Variants in TANC2 observed in about 807,000 individuals in gnomAD.
TANC2 encodes the protein protein TANC2.
Under a neutral mutation model 210.5 loss-of-function variants are expected in TANC2, and 26 were observed. The observed-to-expected ratio is 0.12, with a 90% confidence interval of 0.09 to 0.17. The LOEUF is 0.17. TANC2 is among the 10% of genes least tolerant of loss of function. TANC2 has a pLI of 1.00. For missense variants in TANC2, 2,129 were observed against 2,608.9 expected (o/e 0.82, Z 4.01); for synonymous variants, 931 against 967.1 (o/e 0.96, Z 0.69).
intron 14 of TANC2, among the ~76,000 whole-genome samples, chr17:63,372,840 A>G (rs924127333): frequency 4.0e-5 from 6 of 148,986 alleles, no homozygotes; most frequent in Non-Finnish European, 7.4e-5. Flanking sequence ...TCCCTACCCC[A>G]TGGCCTTTAT....
intron 1 of TANC2, among the ~76,000 whole-genome samples, chr17:62,993,311 C>T (rs1028596024): frequency 1.3e-5 from 2 of 152,066 alleles, no homozygotes; most frequent in Non-Finnish European, 2.9e-5. Flanking sequence ...ATTCTGGGTC[C>T]CTTGCCGTTT....
At chr17:63,136,141 A>G (rs970409299) in intron 4 of TANC2, among the ~76,000 whole-genome samples, 2 of 152,198 alleles carry the variant, frequency 1.3e-5, no homozygotes, top group African/African-American at 4.8e-5. Context: ...TTTAAATCTC[A>G]GTTTCTTCTT....
chr17:62,983,395 A>C (rs1342943101), intron 1 of TANC2, among the ~76,000 whole-genome samples: 2 of 151,996 alleles, frequency 1.3e-5, no homozygotes, highest in African/African-American at 4.8e-5. Flanking sequence ...TTTTGCATAT[A>C]AGATCATGTC....
intron 1 of TANC2, among the ~76,000 whole-genome samples, chr17:62,973,218 G>A (rs2031810357): frequency 6.6e-6 from 1 of 152,116 alleles, no homozygotes; most frequent in Non-Finnish European, 1.5e-5. Context: ...TTTTAGCAGA[G>A]ATGGGGTTTT....
chr17:63,017,411 A>G (rs1024364046), intron 2 of TANC2, among the ~76,000 whole-genome samples: 2 of 152,304 alleles, frequency 1.3e-5, no homozygotes, highest in South Asian at 4.1e-4. Flanking sequence ...TGATTTTTTT[A>G]AAGAACTATT....
At position 63,421,566 on chromosome 17, in the gene TANC2, C is replaced by T; in HGVS notation, c.5836C>T (p.His1946Tyr). The change falls in exon 28 of 28, where the codon CAC becomes TAC. Residue 1946 changes from histidine (H) to tyrosine (Y), a missense_variant. Around this residue, in one of 5 missense-constraint regions of TANC2, gnomAD observed 161 missense variants for 178.6 expected, o/e 0.90. Transcript: ENST00000689528. This position sits in a 1 kb window ranked among gnomAD's most constrained non-coding sequence, Gnocchi z 6.9. ...ACGGACTCAGCAGTACCCCCACCTC[C>T]ACCAGCAGAATCGGACCTGGGCAGT... The T allele has an allele frequency of 6.2e-7, 1 of 1,614,006 alleles. No individual in the cohort carries two copies. The highest frequency in any genetic ancestry group is 8.5e-7 in the Non-Finnish European group (1 of 1,179,884).
chr17:63,062,543 C>T (rs77781272), intron 2 of TANC2, among the ~76,000 whole-genome samples: 4,269 of 152,126 alleles, frequency 0.028, 82 homozygotes, highest in Non-Finnish European at 0.042. Flanking sequence ...GGGCAAACAC[C>T]TTTCATTGTC....
intron 9 of TANC2, among the ~76,000 whole-genome samples, chr17:63,269,343 A>G (rs1300432796): frequency 6.6e-6 from 1 of 152,132 alleles, no homozygotes; most frequent in African/African-American, 2.4e-5. Flanking sequence ...TATATCAAGC[A>G]CTATTTTAGA....
chr17:63,201,193 TA>T (rs539060362), intron 7 of TANC2, among the ~76,000 whole-genome samples: 14 of 149,272 alleles, frequency 9.4e-5, no homozygotes, highest in African/African-American at 1.2e-4. Flanking sequence ...GGAGTGGATT[TA>T]AAAAAAAAAC....
At chr17:63,178,041 A>G (rs1037300034) in intron 5 of TANC2, among the ~76,000 whole-genome samples, 3 of 152,190 alleles carry the variant, frequency 2.0e-5, no homozygotes, top group Admixed American at 6.5e-5. Flanking sequence ...CTTAAAACCA[A>G]CTGCCCTGGG....
At chr17:63,070,906 C>T (rs1227294156) in intron 2 of TANC2, among the ~76,000 whole-genome samples, 1 of 152,020 alleles carries the variant, frequency 6.6e-6, no homozygotes, top group Non-Finnish European at 1.5e-5. Context: ...GGTCAGGGTT[C>T]TTAGTTGTTT....
intron 3 of TANC2, among the ~76,000 whole-genome samples, chr17:63,082,372 AT>A (rs772962530): frequency 6.6e-6 from 1 of 152,120 alleles, no homozygotes; most frequent in Non-Finnish European, 1.5e-5. Flanking sequence ...GAGTTGATAC[AT>A]TTTTTGTTTT....
At chr17:63,010,583 A>G (rs1021083519) in intron 2 of TANC2, among the ~76,000 whole-genome samples, 1 of 151,842 alleles carries the variant, frequency 6.6e-6, no homozygotes, top group Admixed American at 6.6e-5. Context: ...CCTATGGGTT[A>G]TGGTCTCAGT....
chr17:63,210,607 A>G (rs1032389002), intron 7 of TANC2, among the ~76,000 whole-genome samples: 9 of 152,198 alleles, frequency 5.9e-5, no homozygotes, highest in Non-Finnish European at 1.3e-4. Flanking sequence ...CTTTATAGGG[A>G]TATAATTATT....
intron 4 of TANC2, among the ~76,000 whole-genome samples, chr17:63,118,204 CTTG>C (rs893438367): frequency 2.6e-5 from 4 of 152,074 alleles, no homozygotes; most frequent in African/African-American, 4.8e-5. Flanking sequence ...TAAAATCATT[CTTG>C]TTATTTCATT....
At position 63,009,927 on chromosome 17, in the gene TANC2, T is replaced by G. The variant is rs1197064429; in HGVS notation, c.67+301T>G. Among the ~76,000 whole-genome samples the G allele has an allele frequency of 2.0e-5, 3 of 152,300 alleles. No homozygotes were observed. In the East Asian group the frequency reaches 5.8e-4, roughly 29 times the overall value. ...CTAGACCTAAGTTTATGTTTTTGAA[T>G]TAACAAATGAAATTATTGCAATCCT... On this transcript the variant is annotated intron_variant, in intron 2 of 27. Transcript: ENST00000689528.
intron 4 of TANC2, among the ~76,000 whole-genome samples, chr17:63,118,374 T>A (rs1304554520): frequency 6.6e-6 from 1 of 152,220 alleles, no homozygotes; most frequent in African/African-American, 2.4e-5. Context: ...CATTTGGTAA[T>A]TATCAACAAG....
intron 5 of TANC2, among the ~76,000 whole-genome samples, chr17:63,183,717 T>C (rs574098042): frequency 1.3e-5 from 2 of 152,302 alleles, no homozygotes; most frequent in East Asian, 3.9e-4. Flanking sequence ...GTCATTTGTT[T>C]TTTAAAAAAA....
At chr17:63,233,408 TC>T (rs1461321164) in intron 7 of TANC2, among the ~76,000 whole-genome samples, 1 of 152,130 alleles carries the variant, frequency 6.6e-6, no homozygotes, top group African/African-American at 2.4e-5. Flanking sequence ...AAACCGTGGA[TC>T]GTGGATTCTT....
Sources: allele counts gnomAD v4.1 joint callset (sites outside exome capture counted in the v4.1 genomes callset), GRCh38; gene constraint gnomAD v4.1.1; regional missense constraint gnomAD v4.1.1; non-coding constraint Gnocchi (gnomAD v3.1); transcripts MANE v1.5; gene names NCBI Gene and HGNC (gene_info 2026-07-23, HGNC 2026-07-21).